The following PZP variants were observed in gnomAD, a reference collection of about 807,000 sequenced individuals.
PZP encodes the protein PZP alpha-2-macroglobulin like.
In PZP, 150 loss-of-function variants were observed where a neutral mutation model predicts 179.8. The observed-to-expected ratio is 0.83, with a 90% confidence interval of 0.73 to 0.96. PZP has a LOEUF of 0.96. Ranked by LOEUF, PZP falls within the 40% of genes least tolerant of loss-of-function variation. PZP has a pLI of 0.00. For missense variants in PZP, 1,689 were observed against 1,764.0 expected (o/e 0.96, Z 0.76); for synonymous variants, 624 against 652.3 (o/e 0.96, Z 0.66).
rs755836514 is a variant in PZP at position 9,202,372 on chromosome 12, C to A, written c.428-1G>T. 6.2e-7 allele frequency: 1 copy of A among 1,614,140 alleles called. No homozygotes were observed. Among genetic ancestry groups the A allele is most frequent in the Admixed American group, 1.7e-5 (1 of 60,022 alleles). ...TCCACGGAGACAACACGGAATCTTA[C>A]TGGAAAAGTAGTTCTCCGATAAGAT... On this transcript the variant is annotated splice_acceptor_variant, in intron 3 of 35. Coordinates refer to ENST00000261336, the MANE Select transcript of PZP (RefSeq NM_002864.3). LOFTEE classifies it high-confidence loss of function.
rs1280719295 is a variant in PZP at position 9,200,938 on chromosome 12, T to A, written c.624A>T (p.Thr208=). ...IQGSYRVVVQ[T]ESGGRIQHPF... ...GGTGCTGTATCCTTCCACCTGATTC[T>A]GTCTGTACCACCACCCTGTAGGAGC... The change falls in exon 6 of 36, where the codon ACA becomes ACT. Residue 208 remains threonine (T), a synonymous_variant. Transcript: ENST00000261336. 20 of 1,613,982 alleles carry A rather than the reference T, an allele frequency of 1.2e-5. No individual in the cohort carries two copies. Among genetic ancestry groups the A allele is most frequent in the Non-Finnish European group, 1.7e-5 (20 of 1,179,964 alleles).
At chr12:9,195,013 TA>T (rs1327334107) in intron 10 of PZP, among the ~76,000 whole-genome samples, 1 of 152,082 alleles carries the variant, frequency 6.6e-6, no homozygotes, top group Non-Finnish European at 1.5e-5. Flanking sequence ...AATAATTATT[TA>T]AAAATACATT....
chr12:9,156,935 GTTATT>G (rs1940801133), intron 28 of PZP, among the ~76,000 whole-genome samples: 1 of 152,028 alleles, frequency 6.6e-6, no homozygotes, highest in African/African-American at 2.4e-5. Flanking sequence ...TTTTTTAAAT[GTTATT>G]TTATTTTAAG....
chr12:9,191,369 T>C (rs1943445808), intron 13 of PZP, among the ~76,000 whole-genome samples: 2 of 152,108 alleles, frequency 1.3e-5, no homozygotes, highest in Non-Finnish European at 2.9e-5. Flanking sequence ...AAAACTGATA[T>C]TCAAAACTGG....
chr12:9,160,613 G>T, intron 23 of PZP, 123 bp from the exon 24 acceptor site: 2 of 864,266 alleles, frequency 2.3e-6, no homozygotes, highest in Non-Finnish European at 3.6e-6. Context: ...TATATACACA[G>T]AGTGTGACTT....
chr12:9,192,134 C>G (rs897279470), intron 13 of PZP, 59 bp downstream of exon 13: 6 of 1,416,730 alleles, frequency 4.2e-6, no homozygotes, highest in Non-Finnish European at 6.0e-6. Flanking sequence ...GAACTGTCAC[C>G]GAGGGAAGGG....
At chr12:9,137,591 A>T in the PZP span, among the ~76,000 whole-genome samples, 1 of 152,036 alleles carries the variant, frequency 6.6e-6, no homozygotes. Context: ...CAGGGGTTGC[A>T]TTGAATCTAT....
In PZP at chr12:9,194,142, C is replaced by T; in HGVS notation, c.1189G>A (p.Glu397Lys). 6.2e-7 allele frequency: 1 copy of T among 1,613,998 alleles called. No individual in the cohort carries two copies. Among genetic ancestry groups the T allele is most frequent in the Non-Finnish European group, 8.5e-7 (1 of 1,179,942 alleles). Reference sequence around the variant, plus strand: ...ATTGAAAACTGTGCAAGACCCTGCTCATTGGTGGTTGCATTGGAGTAATAA... The same window carrying T: ...ATTGAAAACTGTGCAAGACCCTGCTTATTGGTGGTTGCATTGGAGTAATAA... ...ANYYSNATTN[E>K]QGLAQFSINT... Residue 397 changes from glutamate to lysine, a missense_variant, in exon 11 of 36, where the codon GAG becomes AAG. Around this residue, in one of 3 missense-constraint regions of PZP, gnomAD observed 742 missense variants for 730.5 expected, o/e 1.02. Transcript: ENST00000261336.
chr12:9,202,972 C>T (rs1481159342), intron 2 of PZP, among the ~76,000 whole-genome samples: 1 of 152,122 alleles, frequency 6.6e-6, no homozygotes, highest in Admixed American at 6.5e-5. Flanking sequence ...TGGAGAGAAA[C>T]ATCTCTGAAA....
chr12:9,192,207 A>G lies in PZP; in HGVS notation c.1532T>C (p.Val511Ala). 1.9e-6 allele frequency: 3 copies of G among 1,613,956 alleles called. No individual in the cohort carries two copies. The highest frequency in any genetic ancestry group is 2.5e-6 in the Non-Finnish European group (3 of 1,179,808). ...AGGATACTCACTGTCTCCTGACTCC[A>G]CAGGCAGAGTGTGGGTTCCAGATCT... ...IVRSGTHTLP[V>A]ESGDMKGSFA... is the part of the protein sequence containing the mutation. Residue 511 changes from valine (V) to alanine (A), a missense_variant, in exon 13 of 36, where the codon GTG becomes GCG. This residue lies in a region of PZP where 742 missense variants were observed against 730.5 expected (regional missense o/e 1.02). Coordinates refer to ENST00000261336, the MANE Select transcript of PZP (RefSeq NM_002864.3).
chr12:9,182,156 G>GAGACAAAATGGTCATAAGTT (rs773853114), intron 13 of PZP, 39 bp from the exon 14 acceptor site: 1 of 1,598,160 alleles, frequency 6.3e-7, no homozygotes, highest in Non-Finnish European at 8.5e-7. Context: ...GGTCATAAGT[G>GAGACAAAATGGTCATAAGTT]AGACAAAAAG....
the PZP span, among the ~76,000 whole-genome samples, chr12:9,139,748 C>T: frequency 6.6e-6 from 1 of 152,112 alleles, no homozygotes; most frequent in African/African-American, 2.4e-5. Context: ...GTAGCCACTC[C>T]TCCTGTAAGA....
At chr12:9,173,135 A>G (rs924966659) in intron 15 of PZP, among the ~76,000 whole-genome samples, 1 of 152,248 alleles carries the variant, frequency 6.6e-6, no homozygotes. Flanking sequence ...TTCAGACGAC[A>G]GTGCAATCAA....
rs3741852 is a variant in PZP, at chr12:9,150,753, G to C, written c.4282-7C>G. 0.076 allele frequency: 120,708 copies of C among 1,578,470 alleles called. 5,486 individuals carry two copies. The highest frequency in any genetic ancestry group is 0.18 in the African/African-American group (13,125 of 74,396). On this transcript the variant is annotated splice_polypyrimidine_tract_variant and splice_region_variant and intron_variant, in intron 33 of 35. Transcript: ENST00000261336. ...TTAGCGTCTGATTTGTCACCTGAAA[G>C]GAAAAGTGGGAGTAATCAAGAACCT...
rs200458490 is a variant in PZP, at chr12:9,158,752, C to CTT, written c.3138-178_3138-177dup. On this transcript the variant is annotated intron_variant, in intron 25 of 35. Transcript: ENST00000261336. ...GACATCTCTTTTTCTTTTTTCTTTT[C>CTT]TTTTCTTTTTTTTTTTTTTTTTGCT... Among the ~76,000 whole-genome samples, 528 of 97,468 alleles carry CTT rather than the reference C, an allele frequency of 5.4e-3. 6 individuals are homozygous for CTT. Among genetic ancestry groups the CTT allele is most frequent in the Middle Eastern group, 0.015 (2 of 134 alleles). 63.9% of individuals were successfully genotyped at this position (97,468 alleles called of 152,430 possible).
At position 9,169,428 on chromosome 12, in the gene PZP, A is replaced by C. The variant is rs1941828360; in HGVS notation, c.2001+2T>G. The C allele has an allele frequency of 5.0e-6, 8 of 1,588,436 alleles. No individual in the cohort carries two copies. The highest frequency in any genetic ancestry group is 6.8e-6 in the Non-Finnish European group (8 of 1,168,120). ...CATGTTAATAAGTAGTGAGAATTTT[A>C]CCTTGAGGAAGCTATAAATATCTGC... On this transcript the variant is annotated splice_donor_variant, in intron 16 of 35. Coordinates refer to ENST00000261336, the MANE Select transcript of PZP (RefSeq NM_002864.3). LOFTEE classifies it high-confidence loss of function.
Position 9,152,291 on chromosome 12 carries a change from C to A in PZP, c.4141G>T (p.Ala1381Ser). ...ACATCAACAATCACCATATTGGAAG[C>A]AGGACGGTTTCCTGTGTAACTGTAG... ...LTISYTGNRP[A>S]SNMVIVDVKM... Residue 1381 changes from alanine (A) to serine (S), a missense_variant, in exon 32 of 36, where the codon GCT becomes TCT. Ala to Ser is a moderately conservative substitution (Grantham distance 99). Around this residue, in one of 3 missense-constraint regions of PZP, gnomAD observed 746 missense variants for 749.2 expected, o/e 1.00. Coordinates refer to ENST00000261336, the MANE Select transcript of PZP (RefSeq NM_002864.3). 6.2e-7 allele frequency: 1 copy of A among 1,613,382 alleles called. No individual in the cohort carries two copies. Among genetic ancestry groups the A allele is most frequent in the East Asian group, 2.2e-5 (1 of 44,846 alleles).
At chr12:9,143,855 C>G (rs1033179793), downstream of PZP, among the ~76,000 whole-genome samples, 1 of 152,142 alleles carries the variant, frequency 6.6e-6, no homozygotes, top group African/African-American at 2.4e-5. Flanking sequence ...TTGTTGAGCA[C>G]CTATGTGGAC....
intron 27 of PZP, 124 bp downstream of exon 27, chr12:9,157,643 C>T (rs930510850): frequency 4.3e-5 from 37 of 863,270 alleles, no homozygotes; most frequent in Non-Finnish European, 6.4e-5. Context: ...AAGAGCTTAT[C>T]AGTCTGAGAA....
Sources: gnomAD v4.1 joint callset for allele counts (sites outside exome capture counted in the v4.1 genomes callset) on GRCh38, gnomAD v4.1.1 for gene constraint, gnomAD v4.1.1 regional missense constraint, MANE v1.5 for transcripts, NCBI Gene and HGNC (gene_info 2026-07-23, HGNC 2026-07-21) for gene names.